CEP131: variants seen among roughly 807,000 people sequenced by gnomAD.
CEP131 encodes centrosomal protein 131, also known as centrosomal protein of 131 kDa.
In CEP131, 99 loss-of-function variants were observed where a neutral mutation model predicts 136.8. That is an observed-to-expected ratio of 0.72 (90% CI 0.62 to 0.86). The LOEUF is 0.86. Among genes scored for constraint, CEP131 ranks in the 40% least tolerant of loss-of-function variants. CEP131 has a pLI of 0.00. For synonymous variants in CEP131, 646 were observed against 612.7 expected, an observed-to-expected ratio of 1.05 and a Z score of -0.80; for missense variants, 1,459 against 1,463.0, an observed-to-expected ratio of 1.00 and a Z score of 0.04.
Position 81,215,256 on chromosome 17 carries a change from G to A in CEP131, c.177+4624C>T, listed in dbSNP as rs973448782. On this transcript the variant is annotated intron_variant, in intron 2 of 25. Transcript: ENST00000450824. This position sits in a 1 kb window ranked among gnomAD's most constrained non-coding sequence, Gnocchi z 4.1. Reference sequence around the variant, plus strand: ...ACTACAGGCATGCACCACCACACTCGGCTAATTTTTTAATTTTTTTGTAGA... The same window carrying A: ...ACTACAGGCATGCACCACCACACTCAGCTAATTTTTTAATTTTTTTGTAGA... Among the ~76,000 whole-genome samples, 1 of 151,410 alleles carries A rather than the reference G, an allele frequency of 6.6e-6. No homozygotes were observed. Among genetic ancestry groups the A allele is most frequent in the East Asian group, 1.9e-4 (1 of 5,140 alleles).
rs1045902306 is a variant in CEP131 at position 81,214,854 on chromosome 17, G to T, written c.177+5026C>A. Among the ~76,000 whole-genome samples the T allele has an allele frequency of 5.1e-4, 77 of 151,786 alleles. 2 individuals are homozygous for T. The highest frequency in any genetic ancestry group is 3.4e-4 in the Non-Finnish European group (23 of 67,958). ...GTGGCGCGATCTCGGCTCACTGCAA[G>T]TTCCGCCTCCTGGGTTCACGCCATT... On this transcript the variant is annotated intron_variant, in intron 2 of 25. Coordinates refer to ENST00000450824, the MANE Select transcript of CEP131 (RefSeq NM_014984.4).
chr17:81,197,341 C>T (rs890213655), intron 13 of CEP131: 5 of 547,778 alleles, frequency 9.1e-6, no homozygotes, highest in Non-Finnish European at 1.3e-5. Flanking sequence ...GTCACTGCTC[C>T]ATTTAGCCTG....
At position 81,191,235 on chromosome 17, in the gene CEP131, A is replaced by G; in HGVS notation, c.2723T>C (p.Met908Thr). Reference protein sequence around the residue: ...ELVIHRLEADMALAKEESEKA... With the variant: ...ELVIHRLEADTALAKEESEKA... The stretch of plus-strand genomic sequence containing the variant: ...CTCACTCTCCTCCTTGGCCAGCGCC[A>G]TGTCGGCCTCCAGCCGGTGAATGAC... The change falls in exon 22 of 26, where the codon ATG becomes ACG. Residue 908 changes from methionine (M) to threonine (T), a missense_variant. Around this residue, in one of 3 missense-constraint regions of CEP131, gnomAD observed 1,026 missense variants for 964.2 expected, o/e 1.06. Coordinates refer to ENST00000450824, the MANE Select transcript of CEP131 (RefSeq NM_014984.4). The G allele has an allele frequency of 6.2e-7, 1 of 1,613,084 alleles. No individual in the cohort carries two copies. The highest frequency in any genetic ancestry group is 8.5e-7 in the Non-Finnish European group (1 of 1,179,950).
intron 5 of CEP131, among the ~76,000 whole-genome samples, chr17:81,204,225 G>A (rs1186244711): frequency 6.6e-6 from 1 of 152,168 alleles, no homozygotes; most frequent in Non-Finnish European, 1.5e-5. Context: ...AGGCTTTGAG[G>A]CAAAGGGGAG....
intron 5 of CEP131, among the ~76,000 whole-genome samples, chr17:81,205,253 C>T (rs945822048): frequency 2.0e-5 from 3 of 151,310 alleles, no homozygotes; most frequent in Non-Finnish European, 2.9e-5. Context: ...AGCGAGACTT[C>T]GTCTCAAAAA....
chr17:81,199,440 T>C lies in CEP131; in HGVS notation c.1133A>G (p.Gln378Arg). The change falls in exon 10 of 26, where the codon CAG (glutamine) becomes CGG (arginine). Residue 378 changes from glutamine to arginine, a missense_variant. Gln to Arg is a conservative substitution (Grantham distance 43). Around this residue, in one of 3 missense-constraint regions of CEP131, gnomAD observed 1,026 missense variants for 964.2 expected, o/e 1.06. Transcript: ENST00000450824. Reference protein sequence around the residue: ...TRVPGMRQPAQELSPTPGGTA... With the variant: ...TRVPGMRQPARELSPTPGGTA... ...GCCGCCTGGTGTGGGGGACAGCTCC[T>C]GAGCAGGCTGCCGCATTCCTGGCAC... 6.2e-7 allele frequency: 1 copy of C among 1,607,914 alleles called. No homozygotes were observed.
At chr17:81,194,722 T>A in intron 17 of CEP131, 148 bp downstream of exon 17, 1 of 752,168 alleles carries the variant, frequency 1.3e-6, no homozygotes, top group Non-Finnish European at 2.3e-6. Context: ...GCGGAGGCCG[T>A]GACGGGGGTG....
chr17:81,201,390 G>A (rs915791225), intron 7 of CEP131, among the ~76,000 whole-genome samples: 1 of 152,184 alleles, frequency 6.6e-6, no homozygotes, highest in African/African-American at 2.4e-5. Context: ...GACTGTCATG[G>A]TCACAGGAGG....
intron 2 of CEP131, among the ~76,000 whole-genome samples, chr17:81,212,966 T>C (rs1368392529): frequency 1.3e-5 from 2 of 152,170 alleles, no homozygotes; most frequent in Admixed American, 6.5e-5. Flanking sequence ...CTCCCAGACC[T>C]TGGTCTCTGA....
At chr17:81,191,121 G>A (rs779063468) in intron 22 of CEP131, 37 bp from the exon 23 acceptor site, 41 of 1,603,248 alleles carry the variant, frequency 2.6e-5, no homozygotes, top group Non-Finnish European at 8.5e-7. Flanking sequence ...CTCCAGCCCA[G>A]TCACACACGG....
At chr17:81,189,893 A>T in intron 25 of CEP131, 22 bp downstream of exon 25, 1 of 1,612,750 alleles carries the variant, frequency 6.2e-7, no homozygotes, top group Non-Finnish European at 8.5e-7. Flanking sequence ...GAGGTCCAGC[A>T]GGGCTGGCCA....
At chr17:81,207,492 T>A (rs3961018) in intron 3 of CEP131, among the ~76,000 whole-genome samples, 1 of 2,538 alleles carries the variant, frequency 3.9e-4, no homozygotes, top group African/African-American at 4.6e-4. Flanking sequence ...ACAAGGGCCT[T>A]ATTTGTTTTT....
chr17:81,191,424 G>A, intron 21 of CEP131, 89 bp from the exon 22 acceptor site: 3 of 1,284,026 alleles, frequency 2.3e-6, no homozygotes, highest in African/African-American at 2.9e-5. Flanking sequence ...GGGGCTCCAG[G>A]CTCTGAGCCA....
At position 81,191,070 on chromosome 17, in the gene CEP131, C is replaced by G. The variant is rs577173678; in HGVS notation, c.2780G>C (p.Arg927Pro). The G allele has an allele frequency of 6.2e-6, 10 of 1,604,790 alleles. No individual in the cohort carries two copies. The highest frequency in any genetic ancestry group is 7.7e-6 in the Non-Finnish European group (9 of 1,175,248). Reference sequence around the variant, plus strand: ...GGAGAGCTCGGCCTCGTACTTGTCCCGTAAGCGCTTGATGCTGGAGGTGGG... The same window carrying G: ...GGAGAGCTCGGCCTCGTACTTGTCCGGTAAGCGCTTGATGCTGGAGGTGGG... ...KAAESRIKRLRDKYEAELSEL... is the reference protein window; with the variant it reads ...KAAESRIKRLPDKYEAELSEL... Residue 927 changes from arginine (R) to proline (P), a missense_variant, in exon 23 of 26, where the codon CGG becomes CCG. Physicochemically the swap from Arg to Pro is moderately radical, Grantham distance 103. Coordinates refer to ENST00000450824, the MANE Select transcript of CEP131 (RefSeq NM_014984.4).
At chr17:81,190,530 C>T (rs753060849) in intron 24 of CEP131, 109 bp downstream of exon 24, 95 of 1,345,076 alleles carry the variant, frequency 7.1e-5, no homozygotes, top group Non-Finnish European at 9.0e-5. Context: ...CCTGTCTCTG[C>T]ATCTCCTGGC....
In CEP131 at chr17:81,208,889, G is replaced by C; in HGVS notation, c.272+39C>G. On this transcript the variant is annotated intron_variant, in intron 3 of 25. Transcript: ENST00000450824. This position sits in a 1 kb window ranked among gnomAD's most constrained non-coding sequence, Gnocchi z 5.6. The stretch of plus-strand genomic sequence containing the variant: ...GCCAGGGTGGGGCACCTGAGGTCCC[G>C]GGAAGGGGCCAGGGTTATCCAAGGG... 1.3e-6 allele frequency: 2 copies of C among 1,542,842 alleles called. No homozygotes were observed. The highest frequency in any genetic ancestry group is 1.4e-5 in the African/African-American group (1 of 73,700).
chr17:81,204,829 T>C (rs1054224428), intron 5 of CEP131, among the ~76,000 whole-genome samples: 2 of 152,218 alleles, frequency 1.3e-5, no homozygotes, highest in Admixed American at 1.3e-4. Flanking sequence ...GGCACCAGCC[T>C]GCACTCACAA....
chr17:81,194,638 T>C (rs1030916036), intron 17 of CEP131, among the ~76,000 whole-genome samples: 1 of 152,148 alleles, frequency 6.6e-6, no homozygotes, highest in Non-Finnish European at 1.5e-5. Context: ...TTCAGGCAAC[T>C]GCCTAGATGC....
rs1567848585 is a variant in CEP131 at position 81,192,848 on chromosome 17, G to GGGAC, written c.2322-9_2322-6dup. On this transcript the variant is annotated splice_polypyrimidine_tract_variant and splice_region_variant and intron_variant, in intron 18 of 25. Transcript: ENST00000450824. ...TGCTCCAGGTGCTGCTGGAACCTGC[G>GGGAC]GGACGGTCAGGACTGGCTCTCGGGG... The GGGAC allele has an allele frequency of 6.3e-7, 1 of 1,596,102 alleles. No individual in the cohort carries two copies. The highest frequency in any genetic ancestry group is 2.2e-5 in the East Asian group (1 of 44,728).
Sources: allele counts gnomAD v4.1 joint callset (sites outside exome capture counted in the v4.1 genomes callset), GRCh38; gene constraint gnomAD v4.1.1; regional missense constraint gnomAD v4.1.1; non-coding constraint Gnocchi (gnomAD v3.1); transcripts MANE v1.5; gene names NCBI Gene and HGNC (gene_info 2026-07-23, HGNC 2026-07-21).